SLC24A3: variants seen among roughly 807,000 people sequenced by gnomAD.
The protein encoded by SLC24A3 is sodium/potassium/calcium exchanger 3.
SLC24A3 carries 28 observed loss-of-function variants against 75.8 expected under a neutral mutation model. The ratio of observed to expected loss-of-function variants is 0.37; its 90% confidence interval spans 0.27 to 0.51. The LOEUF (loss-of-function observed/expected upper bound fraction) is 0.51. Among genes scored for constraint, SLC24A3 ranks in the 20% least tolerant of loss-of-function variants. The pLI is 0.94. For missense variants in SLC24A3, 663 were observed against 847.8 expected, an observed-to-expected ratio of 0.78 and a Z score of 2.71; for synonymous variants, 372 against 334.1, an observed-to-expected ratio of 1.11 and a Z score of -1.24.
At chr20:19,258,695 C>G (rs1311334734) in intron 1 of SLC24A3, among the ~76,000 whole-genome samples, 1 of 146,142 alleles carries the variant, frequency 6.8e-6, no homozygotes, top group East Asian at 1.9e-4. Context: ...GAGTGAGACT[C>G]TGTCTCCAAA....
intron 7 of SLC24A3, among the ~76,000 whole-genome samples, chr20:19,663,452 CACT>C (rs1165118828): frequency 7.5e-6 from 1 of 133,382 alleles, no homozygotes; most frequent in Non-Finnish European, 1.6e-5. Flanking sequence ...CATCCTCCTC[CACT>C]TCCTCCTCCT....
rs112211027 is a variant in SLC24A3 at position 19,559,943 on chromosome 20, G to T, written c.349-20057G>T. ...AAATAAATAATAAAAACCCTGACATGTAGCATTTGCAAATTTCCGTGGTGT... is the reference window on the plus strand; with the variant it reads ...AAATAAATAATAAAAACCCTGACATTTAGCATTTGCAAATTTCCGTGGTGT... On this transcript the variant is annotated intron_variant, in intron 3 of 16. Transcript: ENST00000328041. Among the ~76,000 whole-genome samples, 71 of 152,166 alleles carry T rather than the reference G, an allele frequency of 4.7e-4. No homozygotes were observed. The Middle Eastern group carries it at 0.01, about 22-fold the overall frequency.
intron 6 of SLC24A3, among the ~76,000 whole-genome samples, chr20:19,627,232 GT>G (rs2031876979): frequency 6.6e-6 from 1 of 152,274 alleles, no homozygotes; most frequent in African/African-American, 2.4e-5. Context: ...TGTCTGTGTT[GT>G]TTCTTAGAAG....
chr20:19,642,971 G>A (rs1398391527), intron 6 of SLC24A3, among the ~76,000 whole-genome samples: 1 of 151,950 alleles, frequency 6.6e-6, no homozygotes, highest in Non-Finnish European at 1.5e-5. Flanking sequence ...CCTTGTGTTC[G>A]ATTTGCCCTG....
At chr20:19,342,566 A>T (rs1219663913) in intron 2 of SLC24A3, among the ~76,000 whole-genome samples, 1 of 152,246 alleles carries the variant, frequency 6.6e-6, no homozygotes, top group Non-Finnish European at 1.5e-5. Context: ...TATTTATGAC[A>T]ACTGTTTTAG....
chr20:19,526,618 C>T (rs964684411), intron 3 of SLC24A3, among the ~76,000 whole-genome samples: 5 of 152,182 alleles, frequency 3.3e-5, no homozygotes, highest in Non-Finnish European at 7.3e-5. Flanking sequence ...GTCCAGGTCA[C>T]GCTTTGCTCG....
At chr20:19,396,907 A>G (rs562898034) in intron 2 of SLC24A3, among the ~76,000 whole-genome samples, 2 of 152,198 alleles carry the variant, frequency 1.3e-5, no homozygotes, top group Admixed American at 6.5e-5. Flanking sequence ...TTGCATTTTC[A>G]TCTCAGTCAA....
intron 2 of SLC24A3, among the ~76,000 whole-genome samples, chr20:19,396,231 A>G (rs1189681376): frequency 6.6e-6 from 1 of 152,238 alleles, no homozygotes; most frequent in East Asian, 1.9e-4. Context: ...AAATAGACCA[A>G]GCAATGAGTA....
At chr20:19,533,642 G>T (rs576526837) in intron 3 of SLC24A3, among the ~76,000 whole-genome samples, 2 of 152,278 alleles carry the variant, frequency 1.3e-5, no homozygotes, top group Non-Finnish European at 2.9e-5. Context: ...ACTGTGGCTG[G>T]CATGGTTGGG....
At chr20:19,213,033 C>T (rs1484050816) in intron 1 of SLC24A3, 49 bp downstream of exon 1, 8 of 1,180,540 alleles carry the variant, frequency 6.8e-6, no homozygotes, top group Non-Finnish European at 7.4e-6. Flanking sequence ...TCCGGCGGCT[C>T]GGGGCTCCCG....
intron 6 of SLC24A3, among the ~76,000 whole-genome samples, chr20:19,653,573 A>G (rs1277398578): frequency 6.6e-6 from 1 of 152,202 alleles, no homozygotes; most frequent in Non-Finnish European, 1.5e-5. Context: ...CGCTAGACTC[A>G]TGGCAAAGGC....
chr20:19,400,696 C>A (rs1190500197), intron 2 of SLC24A3, among the ~76,000 whole-genome samples: 1 of 152,130 alleles, frequency 6.6e-6, no homozygotes, highest in Non-Finnish European at 1.5e-5. Flanking sequence ...ACTGCATCTC[C>A]CCAGTTCAAG....
At chr20:19,467,989 G>A (rs1987797432) in intron 2 of SLC24A3, among the ~76,000 whole-genome samples, 1 of 152,108 alleles carries the variant, frequency 6.6e-6, no homozygotes, top group African/African-American at 2.4e-5. Context: ...GGAAGAGAGA[G>A]AGCTTCCATA....
Position 19,511,174 on chromosome 20 carries a change from C to T in SLC24A3, c.272-4314C>T, listed in dbSNP as rs200744312. On this transcript the variant is annotated intron_variant, in intron 2 of 16. Coordinates refer to ENST00000328041, the MANE Select transcript of SLC24A3 (RefSeq NM_020689.4). ...CTGCCTCATCTCTCCACCCTGCTCCCGATGCTTCCTGGGATCACCTCCCAA... is the reference window on the plus strand; with the variant it reads ...CTGCCTCATCTCTCCACCCTGCTCCTGATGCTTCCTGGGATCACCTCCCAA... 1.3e-4 allele frequency among the ~76,000 whole-genome samples: 20 copies of T among 152,252 alleles called. No individual in the cohort carries two copies. The East Asian group carries it at 1.4e-3, about 10-fold the overall frequency.
Position 19,426,282 on chromosome 20 carries a change from C to T in SLC24A3, c.272-89206C>T, listed in dbSNP as rs545030960. ...TTTCCAGATTACTGTATAGGTAACA[C>T]CACCACCAACAGCAAACTTACCAGG... On this transcript the variant is annotated intron_variant, in intron 2 of 16. Coordinates refer to ENST00000328041, the MANE Select transcript of SLC24A3 (RefSeq NM_020689.4). 7.2e-5 allele frequency among the ~76,000 whole-genome samples: 11 copies of T among 152,272 alleles called. No homozygotes were observed. In the East Asian group the frequency reaches 1.9e-3, roughly 27 times the overall value.
intron 1 of SLC24A3, among the ~76,000 whole-genome samples, chr20:19,243,424 G>A (rs879629363): frequency 2.6e-4 from 40 of 152,296 alleles, no homozygotes; most frequent in South Asian, 1.5e-3. Context: ...TTCTTCATGC[G>A]TTATTTTTGA....
intron 6 of SLC24A3, among the ~76,000 whole-genome samples, chr20:19,595,780 G>A (rs1400870103): frequency 6.6e-6 from 1 of 152,190 alleles, no homozygotes; most frequent in Admixed American, 6.5e-5. Flanking sequence ...TGATGGAAAT[G>A]CATTGGGCAA....
At chr20:19,314,776 G>A (rs1421964484) in intron 2 of SLC24A3, among the ~76,000 whole-genome samples, 1 of 152,226 alleles carries the variant, frequency 6.6e-6, no homozygotes, top group Non-Finnish European at 1.5e-5. Context: ...CGGAAGGAAT[G>A]TCAGCAAAGC....
At chr20:19,692,790 A>C (rs965472532) in intron 12 of SLC24A3, among the ~76,000 whole-genome samples, 1 of 152,194 alleles carries the variant, frequency 6.6e-6, no homozygotes, top group Admixed American at 6.5e-5. Flanking sequence ...GATGCTGAGA[A>C]ATTCCACCAG....
Sources: allele counts gnomAD v4.1 joint callset (sites outside exome capture counted in the v4.1 genomes callset), GRCh38; gene constraint gnomAD v4.1.1; transcripts MANE v1.5; gene names NCBI Gene and HGNC (gene_info 2026-07-23, HGNC 2026-07-21).